DCC: variants seen among roughly 807,000 people sequenced by gnomAD.
DCC encodes the protein DCC netrin 1 receptor.
In DCC, 58 loss-of-function variants were observed where a neutral mutation model predicts 172.5. The observed-to-expected ratio is 0.34, with a 90% confidence interval of 0.27 to 0.42. The LOEUF (loss-of-function observed/expected upper bound fraction) is 0.42. DCC is among the 10% of genes least tolerant of loss of function. The pLI is 1.00. For synonymous variants in DCC, 709 were observed against 644.5 expected, an observed-to-expected ratio of 1.10 and a Z score of -1.52; for missense variants, 1,740 against 1,791.0, an observed-to-expected ratio of 0.97 and a Z score of 0.51.
intron 5 of DCC, among the ~76,000 whole-genome samples, chr18:53,051,153 C>A (rs909766301): frequency 6.6e-6 from 1 of 152,080 alleles, no homozygotes; most frequent in African/African-American, 2.4e-5. Context: ...GCACTTGAGC[C>A]TGGGAGGTCG....
intron 1 of DCC, among the ~76,000 whole-genome samples, chr18:52,713,282 G>T (rs143436062): frequency 6.6e-6 from 1 of 152,320 alleles, no homozygotes; most frequent in Non-Finnish European, 1.5e-5. Context: ...TCACAATGCA[G>T]ACTGTGCAAA....
intron 2 of DCC, among the ~76,000 whole-genome samples, chr18:52,802,899 G>T (rs750949664): frequency 4.6e-5 from 7 of 151,650 alleles, no homozygotes; most frequent in South Asian, 4.1e-4. Context: ...TTGCATATTT[G>T]TTATATATTG....
rs1305480553 is a variant in DCC, at chr18:52,835,206, G to A, written c.413-70838G>A. 2.6e-5 allele frequency among the ~76,000 whole-genome samples: 4 copies of A among 152,086 alleles called. No individual in the cohort carries two copies. The South Asian group carries it at 8.3e-4, about 32-fold the overall frequency. ...GCCACGTATGGCCATGGATAAACTGGTTGTTGCCATAAATCCTGAAAGAAA... is the reference window on the plus strand; with the variant it reads ...GCCACGTATGGCCATGGATAAACTGATTGTTGCCATAAATCCTGAAAGAAA... On this transcript the variant is annotated intron_variant, in intron 2 of 28. Transcript: ENST00000442544.
At chr18:52,603,771 A>T (rs1423181663) in intron 1 of DCC, among the ~76,000 whole-genome samples, 2 of 152,032 alleles carry the variant, frequency 1.3e-5, no homozygotes, top group Admixed American at 1.3e-4. Context: ...CAATAAAGAG[A>T]AAACCTAAAA....
chr18:52,753,397 T>C (rs185604478), intron 2 of DCC, among the ~76,000 whole-genome samples: 1 of 152,212 alleles, frequency 6.6e-6, no homozygotes, highest in Non-Finnish European at 1.5e-5. Flanking sequence ...TAAACAAAAC[T>C]GTTTCAAGTT....
chr18:53,469,105 T>C (rs1488306359), intron 25 of DCC, among the ~76,000 whole-genome samples: 1 of 152,182 alleles, frequency 6.6e-6, no homozygotes, highest in Non-Finnish European at 1.5e-5. Flanking sequence ...TCCAATCCAT[T>C]AACTCTGCCA....
At chr18:53,030,632 G>A (rs891952524) in intron 5 of DCC, among the ~76,000 whole-genome samples, 6 of 152,086 alleles carry the variant, frequency 3.9e-5, no homozygotes, top group Admixed American at 2.0e-4. Flanking sequence ...CTTAGTATGT[G>A]CCTTTGCTTT....
At chr18:52,893,084 T>G (rs939836959) in intron 2 of DCC, among the ~76,000 whole-genome samples, 4 of 152,154 alleles carry the variant, frequency 2.6e-5, no homozygotes, top group Non-Finnish European at 4.4e-5. Flanking sequence ...TAATGAATTA[T>G]ATAATACGGA....
At chr18:52,889,296 C>T (rs2145418435) in intron 2 of DCC, among the ~76,000 whole-genome samples, 1 of 152,098 alleles carries the variant, frequency 6.6e-6, no homozygotes, top group South Asian at 2.1e-4. Context: ...ATTCAGATCC[C>T]TTTCATTAAA....
chr18:53,416,085 T>C, intron 20 of DCC, 39 bp from the exon 21 acceptor site: 2 of 1,536,608 alleles, frequency 1.3e-6, no homozygotes, highest in South Asian at 1.1e-5. Flanking sequence ...TGCTAGGAAC[T>C]GTCAAAGTCT....
chr18:52,697,150 A>C (rs1476952021), intron 1 of DCC, among the ~76,000 whole-genome samples: 2 of 152,200 alleles, frequency 1.3e-5, no homozygotes, highest in South Asian at 2.1e-4. Flanking sequence ...GAATATTTCC[A>C]CTTAGAAATA....
In DCC at chr18:53,386,031, T is replaced by G. The variant is rs774504726; in HGVS notation, c.2360-12T>G. 8 of 1,561,994 alleles carry G rather than the reference T, an allele frequency of 5.1e-6. No homozygotes were observed. Among genetic ancestry groups the G allele is most frequent in the Non-Finnish European group, 7.1e-6 (8 of 1,132,714 alleles). Reference sequence around the variant, plus strand: ...TATCAACACGTTCATATTGTTTCTGTTTTTTCTCCAGAGTCAAGTTCCCAT... The same window carrying G: ...TATCAACACGTTCATATTGTTTCTGGTTTTTCTCCAGAGTCAAGTTCCCAT... On this transcript the variant is annotated splice_polypyrimidine_tract_variant and intron_variant, in intron 15 of 28. Coordinates refer to ENST00000442544, the MANE Select transcript of DCC (RefSeq NM_005215.4).
At chr18:53,336,669 T>C (rs1005172679) in intron 14 of DCC, among the ~76,000 whole-genome samples, 3 of 152,152 alleles carry the variant, frequency 2.0e-5, no homozygotes, top group African/African-American at 7.2e-5. Context: ...CTGAACAACA[T>C]AGCAAAACTC....
intron 1 of DCC, among the ~76,000 whole-genome samples, chr18:52,669,185 G>T (rs937939745): frequency 2.6e-5 from 4 of 152,118 alleles, no homozygotes; most frequent in African/African-American, 9.7e-5. Context: ...TTCCTGGGTG[G>T]GGGCCGCAAG....
chr18:53,262,067 A>G (rs777585663), intron 12 of DCC, among the ~76,000 whole-genome samples: 4 of 152,206 alleles, frequency 2.6e-5, no homozygotes, highest in African/African-American at 4.8e-5. Context: ...TAAGAGCAAG[A>G]TCTATAGTAA....
chr18:52,799,853 G>A (rs944472523), intron 2 of DCC, among the ~76,000 whole-genome samples: 2 of 152,064 alleles, frequency 1.3e-5, no homozygotes, highest in Non-Finnish European at 2.9e-5. Context: ...ATCACTTACA[G>A]GATTAATGTC....
chr18:52,790,746 C>T (rs28879764), intron 2 of DCC, among the ~76,000 whole-genome samples: 1 of 152,140 alleles, frequency 6.6e-6, no homozygotes, highest in Non-Finnish European at 1.5e-5. Flanking sequence ...TTATAGGAGA[C>T]ATATTGCTCA....
intron 9 of DCC, among the ~76,000 whole-genome samples, chr18:53,204,262 C>T (rs1361339472): frequency 6.6e-6 from 1 of 152,062 alleles, no homozygotes; most frequent in African/African-American, 2.4e-5. Context: ...GATACCTGGG[C>T]TGGGTGTGGT....
chr18:52,514,796 G>A lies in DCC; in HGVS notation c.91+173918G>A, dbSNP rs545981835. Among the ~76,000 whole-genome samples the A allele has an allele frequency of 3.9e-5, 6 of 152,268 alleles. No individual in the cohort carries two copies. In the East Asian group the frequency reaches 7.7e-4, roughly 20 times the overall value. ...GCTATATGAAATAAGTAGCTTGATC[G>A]AAAATAAGTGGAAATATTGCCATAT... On this transcript the variant is annotated intron_variant, in intron 1 of 28. Coordinates refer to ENST00000442544, the MANE Select transcript of DCC (RefSeq NM_005215.4).
Sources: allele counts gnomAD v4.1 joint callset (sites outside exome capture counted in the v4.1 genomes callset), GRCh38; gene constraint gnomAD v4.1.1; transcripts MANE v1.5; gene names NCBI Gene and HGNC (gene_info 2026-07-23, HGNC 2026-07-21).